Variants in ELK3 observed in about 807,000 individuals in gnomAD.
The protein encoded by ELK3 is ETS domain-containing protein Elk-3.
ELK3 carries 10 observed loss-of-function variants against 28.9 expected under a neutral mutation model. The ratio of observed to expected loss-of-function variants is 0.35; its 90% CI spans 0.21 to 0.59. ELK3 has a LOEUF of 0.59. ELK3 is among the 20% of genes least tolerant of loss of function. ELK3 has a pLI of 0.82. For synonymous variants in ELK3, 272 were observed against 243.5 expected (o/e 1.12, Z -1.09); for missense variants, 463 against 517.3 (o/e 0.90, Z 1.02).
At position 96,214,080 on chromosome 12, in the gene ELK3, A is replaced by G. The variant is rs539355440; in HGVS notation, c.-2-9485A>G. Among the ~76,000 whole-genome samples the G allele has an allele frequency of 4.6e-5, 7 of 152,304 alleles. No homozygotes were observed. In the South Asian group the frequency reaches 1.5e-3, roughly 32 times the overall value. ...ACATTGTGCTAGATATAACATGTAC[A>G]GGCATGTAATCCCAGCAACCTTTCT... On this transcript the variant is annotated intron_variant, in intron 1 of 4. Coordinates refer to ENST00000228741, the MANE Select transcript of ELK3 (RefSeq NM_005230.4).
chr12:96,205,711 G>A (rs769335224), intron 1 of ELK3, among the ~76,000 whole-genome samples: 3 of 152,186 alleles, frequency 2.0e-5, no homozygotes, highest in Non-Finnish European at 4.4e-5. Context: ...ACACCCGAGT[G>A]AGGGTTAGAA....
At chr12:96,240,762 C>T (rs557224436) in intron 2 of ELK3, among the ~76,000 whole-genome samples, 14 of 152,278 alleles carry the variant, frequency 9.2e-5, no homozygotes, top group African/African-American at 3.4e-4. Flanking sequence ...CCAGGGTGCC[C>T]TGAAATGGCA....
intron 1 of ELK3, among the ~76,000 whole-genome samples, chr12:96,202,093 T>A (rs1951511089): frequency 1.3e-5 from 2 of 152,190 alleles, no homozygotes; most frequent in African/African-American, 2.4e-5. Context: ...TGCTGTATCT[T>A]GAGGGTTCTT....
chr12:96,235,055 C>T (rs866128230), intron 2 of ELK3, among the ~76,000 whole-genome samples: 4 of 152,130 alleles, frequency 2.6e-5, no homozygotes, highest in Admixed American at 6.5e-5. Context: ...GAATACCCCA[C>T]GCTTCCAGAA....
chr12:96,209,572 C>A (rs1951563219), intron 1 of ELK3, among the ~76,000 whole-genome samples: 1 of 152,208 alleles, frequency 6.6e-6, no homozygotes, highest in African/African-American at 2.4e-5. Context: ...ATTAGGGTTT[C>A]ATTCTAGTGG....
chr12:96,205,054 G>C (rs903554321), intron 1 of ELK3, among the ~76,000 whole-genome samples: 2 of 152,260 alleles, frequency 1.3e-5, no homozygotes, highest in Non-Finnish European at 2.9e-5. Context: ...TTCAGTTGGT[G>C]CTGCTCCTCT....
chr12:96,244,191 A>G (rs1407199930), intron 2 of ELK3, among the ~76,000 whole-genome samples: 1 of 152,136 alleles, frequency 6.6e-6, no homozygotes, highest in Non-Finnish European at 1.5e-5. Context: ...ACAGCTGGAT[A>G]ATATTCCATT....
chr12:96,244,951 G>A (rs1333882195), intron 2 of ELK3, among the ~76,000 whole-genome samples: 3 of 152,276 alleles, frequency 2.0e-5, no homozygotes, highest in East Asian at 1.9e-4. Context: ...GAGTAGCAGC[G>A]TGAGTGTGAG....
intron 2 of ELK3, among the ~76,000 whole-genome samples, chr12:96,242,776 C>G (rs886152576): frequency 1.3e-5 from 2 of 152,188 alleles, no homozygotes; most frequent in African/African-American, 4.8e-5. Flanking sequence ...CCGACCCTGC[C>G]CTCTTCCCTC....
In ELK3 at chr12:96,195,662, G is replaced by GA. The variant is rs1195939466; in HGVS notation, c.-3+966dup. Among the ~76,000 whole-genome samples the GA allele has an allele frequency of 4.9e-3, 734 of 150,258 alleles. 5 individuals carry two copies. Among genetic ancestry groups the GA allele is most frequent in the African/African-American group, 0.016 (641 of 41,010 alleles). On this transcript the variant is annotated intron_variant, in intron 1 of 4. Coordinates refer to ENST00000228741, the MANE Select transcript of ELK3 (RefSeq NM_005230.4). ...AACTGCAAAAGGGGCTTTTTAGAAA[G>GA]AAAAAAAAACGAGTGTCGGGAGAGT... is the stretch of plus-strand genomic sequence containing the variant.
chr12:96,224,890 C>T (rs1020027504), intron 2 of ELK3, among the ~76,000 whole-genome samples: 3 of 152,052 alleles, frequency 2.0e-5, no homozygotes, highest in South Asian at 4.1e-4. Flanking sequence ...GTCTGCCAAC[C>T]CCTTTGGAAT....
intron 2 of ELK3, among the ~76,000 whole-genome samples, chr12:96,228,087 CCT>C (rs1951716391): frequency 6.6e-6 from 1 of 151,752 alleles, no homozygotes; most frequent in Non-Finnish European, 1.5e-5. Context: ...TAGTGAGACC[CCT>C]GTCTCTTTTT....
At chr12:96,228,416 CAAAA>C (rs71091236) in intron 2 of ELK3, among the ~76,000 whole-genome samples, 3,698 of 67,802 alleles carry the variant, frequency 0.055, 39 homozygotes, top group Non-Finnish European at 0.074. Context: ...GACTCTGTGT[CAAAA>C]AAAAAAAAAA....
intron 1 of ELK3, 124 bp from the exon 2 acceptor site, chr12:96,223,441 T>A (rs1951677016): frequency 3.5e-6 from 3 of 863,752 alleles, no homozygotes; most frequent in Middle Eastern, 3.5e-4. Flanking sequence ...AAAGCTACTT[T>A]TTATTAGGTT....
intron 3 of ELK3, among the ~76,000 whole-genome samples, chr12:96,255,907 C>G (rs761349028): frequency 6.6e-6 from 1 of 152,176 alleles, no homozygotes; most frequent in Non-Finnish European, 1.5e-5. Flanking sequence ...TAGGGCATGA[C>G]TCCCTAGACC....
intron 1 of ELK3, among the ~76,000 whole-genome samples, chr12:96,206,082 C>T (rs1951536557): frequency 6.6e-6 from 1 of 152,166 alleles, no homozygotes; most frequent in Admixed American, 6.5e-5. Context: ...GCTCGTTGCC[C>T]TGCTTTGATT....
chr12:96,245,959 G>GA (rs1243130803), intron 2 of ELK3, among the ~76,000 whole-genome samples: 1 of 152,142 alleles, frequency 6.6e-6, no homozygotes, highest in Non-Finnish European at 1.5e-5. Context: ...TACTGTCAAT[G>GA]AATGTCACAG....
chr12:96,234,495 C>T (rs1422547352), intron 2 of ELK3, among the ~76,000 whole-genome samples: 1 of 152,090 alleles, frequency 6.6e-6, no homozygotes, highest in Non-Finnish European at 1.5e-5. Context: ...ACCCACCACC[C>T]GCCGTCCACC....
intron 1 of ELK3, among the ~76,000 whole-genome samples, chr12:96,222,352 T>C (rs1951668013): frequency 6.6e-6 from 1 of 152,054 alleles, no homozygotes. Flanking sequence ...CCAGAAGAAA[T>C]AGCATTTAAA....
Sources: allele counts gnomAD v4.1 joint callset (sites outside exome capture counted in the v4.1 genomes callset), GRCh38; gene constraint gnomAD v4.1.1; transcripts MANE v1.5; gene names NCBI Gene and HGNC (gene_info 2026-07-23, HGNC 2026-07-21).